TM7SF3: variants seen among roughly 807,000 people sequenced by gnomAD.
TM7SF3 encodes the protein seven span transmembrane protein.
In TM7SF3, 60 loss-of-function variants were observed where a neutral mutation model predicts 65.5. The observed-to-expected ratio is 0.92, with a 90% CI of 0.74 to 1.14. The LOEUF (loss-of-function observed/expected upper bound fraction) is 1.14. Among genes scored for constraint, TM7SF3 ranks in the 50% most tolerant of loss-of-function variants. The probability of loss-of-function intolerance (pLI) is 0.00; values close to 1 mark genes in which losing one functional copy is unlikely to be tolerated. For missense variants in TM7SF3, 623 were observed against 684.8 expected (o/e 0.91, Z 1.01); for synonymous variants, 264 against 259.6 (o/e 1.02, Z -0.16).
intron 6 of TM7SF3, among the ~76,000 whole-genome samples, chr12:26,985,811 T>C (rs1315040075): frequency 1.0e-5 from 1 of 97,066 alleles, no homozygotes; most frequent in African/African-American, 4.0e-5. Context: ...TTTTCGTTTT[T>C]TTTTTTTTTT....
At chr12:26,984,208 T>A (rs1187183635) in intron 6 of TM7SF3, among the ~76,000 whole-genome samples, 1 of 152,124 alleles carries the variant, frequency 6.6e-6, no homozygotes, top group East Asian at 1.9e-4. Flanking sequence ...GGTGGGCGGA[T>A]CACTTGAGGT....
chr12:26,977,766 A>G (rs914308843), intron 9 of TM7SF3, among the ~76,000 whole-genome samples: 1 of 148,458 alleles, frequency 6.7e-6, no homozygotes, highest in Non-Finnish European at 1.5e-5. Context: ...GAAAAAAATA[A>G]TGTGTGTGTG....
rs750485593 is a variant in TM7SF3 at position 26,974,043 on chromosome 12, G to A, written c.1635C>T (p.Leu545=). 6.2e-7 allele frequency: 1 copy of A among 1,614,160 alleles called. No homozygotes were observed. The highest frequency in any genetic ancestry group is 8.5e-7 in the Non-Finnish European group (1 of 1,180,016). ...SYHIPPLRER[L]YGRLTQIKGL... Reference sequence around the variant, plus strand: ...CTTTAATCTGGGTTAATCGGCCATAGAGCCTCTCTCTCAATGGAGGAATGT... The same window carrying A: ...CTTTAATCTGGGTTAATCGGCCATAAAGCCTCTCTCTCAATGGAGGAATGT... Residue 545 remains leucine, a synonymous_variant, in exon 12 of 12, where the codon CTC becomes CTT. Transcript: ENST00000343028.
rs1322463796 is a variant in TM7SF3 at position 27,014,139 on chromosome 12, C to T, written c.30G>A (p.Ala10=). The T allele has an allele frequency of 6.4e-7, 1 of 1,567,764 alleles. No individual in the cohort carries two copies. MGFLQLLVV[A]VLASEHRVAG... is the part of the protein sequence containing the mutation. ...CCACCCGGTGTTCGGATGCCAGCAC[C>T]GCTACGACCAGCAGCTGCAGGAACC... The change falls in exon 1 of 12, where the codon GCG becomes GCA. Residue 10 remains alanine, a synonymous_variant. Coordinates refer to ENST00000343028, the MANE Select transcript of TM7SF3 (RefSeq NM_016551.3).
At chr12:26,988,133 G>C (rs1332874726) in intron 6 of TM7SF3, among the ~76,000 whole-genome samples, 2 of 151,998 alleles carry the variant, frequency 1.3e-5, no homozygotes, top group Non-Finnish European at 2.9e-5. Context: ...TGCAATGTGG[G>C]ATCCTAAACT....
chr12:26,976,637 C>T (rs1042814856), intron 9 of TM7SF3, among the ~76,000 whole-genome samples: 10 of 152,186 alleles, frequency 6.6e-5, no homozygotes, highest in African/African-American at 2.4e-4. Flanking sequence ...CAAGCTCTTC[C>T]ATTCACTAGC....
chr12:26,975,633 A>G lies in TM7SF3; in HGVS notation c.1313T>C (p.Ile438Thr). 3.7e-6 allele frequency: 6 copies of G among 1,613,086 alleles called. No individual in the cohort carries two copies. The highest frequency in any genetic ancestry group is 5.1e-6 in the Non-Finnish European group (6 of 1,179,852). The change falls in exon 11 of 12, where the codon ATT becomes ACT. Residue 438 changes from isoleucine (I) to threonine (T), a missense_variant. Transcript: ENST00000343028. ...GGCTAAAACCACCGAATAGGAGCCA[A>G]TGACTCCACAAGTCAGTATGTTCAG... is the stretch of plus-strand genomic sequence containing the variant. ...RILNILTCGV[I>T]GSYSVVLAID...
chr12:26,974,282 T>C (rs1029943537), intron 11 of TM7SF3, 55 bp from the exon 12 acceptor site: 10 of 1,547,786 alleles, frequency 6.5e-6, no homozygotes, highest in Non-Finnish European at 8.8e-6. Flanking sequence ...AAATCTAACA[T>C]AATAATACAA....
intron 6 of TM7SF3, among the ~76,000 whole-genome samples, chr12:26,988,535 A>T (rs1298989683): frequency 2.0e-5 from 3 of 152,194 alleles, no homozygotes. Flanking sequence ...TGTGAATTAA[A>T]TAACTACTGT....
At chr12:26,977,125 C>T (rs1461734523) in intron 9 of TM7SF3, among the ~76,000 whole-genome samples, 3 of 152,204 alleles carry the variant, frequency 2.0e-5, no homozygotes. Flanking sequence ...CCTACATATC[C>T]AGGTCAGAGT....
chr12:26,993,093 G>T (rs1171527088), intron 5 of TM7SF3, among the ~76,000 whole-genome samples: 1 of 151,688 alleles, frequency 6.6e-6, no homozygotes, highest in Non-Finnish European at 1.5e-5. Flanking sequence ...TTTAGTGGCT[G>T]TGAGGTTTTG....
At chr12:27,012,796 G>A (rs369555738) in intron 1 of TM7SF3, 52 of 449,234 alleles carry the variant, frequency 1.2e-4, no homozygotes, top group African/African-American at 9.8e-4. Context: ...TCAGGAGTTC[G>A]AGACCAGCCT....
In TM7SF3 at chr12:26,973,967, A is replaced by G; in HGVS notation, c.1711T>C (p.Ter571GlnextTer55). 2 of 1,613,778 alleles carry G rather than the reference A, an allele frequency of 1.2e-6. No individual in the cohort carries two copies. Among genetic ancestry groups the G allele is most frequent in the Non-Finnish European group, 1.7e-6 (2 of 1,179,972 alleles). ...ACACTGACCAAGCCCCTGGGCATCT[A>G]CAGAAGCAAAGGCGTTCTCTCTCCA... ...PAGERTPLLL[*>Q] Residue 571 changes from the stop codon to glutamine, a stop_lost, in exon 12 of 12, where the codon TAG (stop) becomes CAG (glutamine). Coordinates refer to ENST00000343028, the MANE Select transcript of TM7SF3 (RefSeq NM_016551.3).
At chr12:26,977,818 G>A (rs549828040) in intron 9 of TM7SF3, 1 of 248,358 alleles carries the variant, frequency 4.0e-6, no homozygotes, top group Admixed American at 5.3e-5. Context: ...ACATATATAG[G>A]TAGGCCAGGT....
At position 27,002,235 on chromosome 12, in the gene TM7SF3, G is replaced by A. The variant is rs116795336; in HGVS notation, c.246+1001C>T. Among the ~76,000 whole-genome samples, 765 of 152,236 alleles carry A rather than the reference G, an allele frequency of 5.0e-3. 10 individuals carry two copies. Among genetic ancestry groups the A allele is most frequent in the African/African-American group, 0.018 (727 of 41,536 alleles). On this transcript the variant is annotated intron_variant, in intron 2 of 11. Transcript: ENST00000343028. ...CCCAGCACTTTGGGATGCCCAGACA[G>A]GCGGATCACTTGAGGCCAGGAGTTC... is the stretch of plus-strand genomic sequence containing the variant.
intron 9 of TM7SF3, chr12:26,979,244 G>C (rs564009826): frequency 1.3e-5 from 2 of 152,388 alleles, no homozygotes; most frequent in Non-Finnish European, 2.9e-5. Flanking sequence ...GGAAATGTAA[G>C]TTATTAAACA....
intron 5 of TM7SF3, among the ~76,000 whole-genome samples, chr12:26,993,098 GTT>G (rs1222523115): frequency 3.3e-5 from 5 of 151,792 alleles, no homozygotes; most frequent in Non-Finnish European, 7.4e-5. Flanking sequence ...TGGCTGTGAG[GTT>G]TTGCCACGTT....
intron 1 of TM7SF3, among the ~76,000 whole-genome samples, chr12:27,008,816 T>C (rs916369353): frequency 2.0e-5 from 3 of 152,112 alleles, no homozygotes; most frequent in African/African-American, 4.8e-5. Context: ...AGCTATGTAA[T>C]GTGTACACAT....
chr12:26,988,277 C>A (rs146601389), intron 6 of TM7SF3, among the ~76,000 whole-genome samples: 284 of 152,208 alleles, frequency 1.9e-3, no homozygotes, highest in African/African-American at 6.7e-3. Context: ...GATCTTCCCA[C>A]CTTAGACTAC....
Sources: gnomAD v4.1 joint callset for allele counts (sites outside exome capture counted in the v4.1 genomes callset) on GRCh38, gnomAD v4.1.1 for gene constraint, MANE v1.5 for transcripts, NCBI Gene and HGNC (gene_info 2026-07-23, HGNC 2026-07-21) for gene names.